GFRA1: variants seen among roughly 807,000 people sequenced by gnomAD.
The protein encoded by GFRA1 is GDNF family receptor alpha 1.
A neutral mutation model predicts 51.6 loss-of-function variants in GFRA1; 16 were observed. The observed-to-expected ratio is 0.31, with a 90% CI of 0.21 to 0.47. The LOEUF is 0.47. Ranked by LOEUF, GFRA1 falls within the 20% of genes least tolerant of loss-of-function variation. GFRA1 has a pLI of 1.00. For missense variants in GFRA1, 530 were observed against 594.3 expected (o/e 0.89, Z 1.13); for synonymous variants, 270 against 241.3 (o/e 1.12, Z -1.10).
At chr10:116,227,418 C>A in intron 4 of GFRA1, among the ~76,000 whole-genome samples, 1 of 152,188 alleles carries the variant, frequency 6.6e-6, no homozygotes, top group East Asian at 1.9e-4. Flanking sequence ...TGGCAAGTGG[C>A]ACAGCCATGA....
At chr10:116,274,603 C>A (rs1168197873), upstream of GFRA1, among the ~76,000 whole-genome samples, 1 of 152,116 alleles carries the variant, frequency 6.6e-6, no homozygotes, top group Non-Finnish European at 1.5e-5. Flanking sequence ...TGTGTGGAGT[C>A]GCCAAAGAGG....
chr10:116,102,358 G>A (rs185767592), intron 6 of GFRA1, among the ~76,000 whole-genome samples: 47 of 152,280 alleles, frequency 3.1e-4, no homozygotes, highest in African/African-American at 1.0e-3. Context: ...CACAGCAGGC[G>A]CCAGAGGATG....
chr10:116,090,067 T>TG lies in GFRA1; in HGVS notation c.1016-146_1016-145insC, dbSNP rs1372936420. Reference sequence around the variant, plus strand: ...AAAACGCATCCATCCATTTGCCCTATACATGCTGAGAGCCAGTCTTTGGGG... The same window carrying TG: ...AAAACGCATCCATCCATTTGCCCTATGACATGCTGAGAGCCAGTCTTTGGGG... On this transcript the variant is annotated intron_variant, in intron 8 of 10. Coordinates refer to ENST00000355422, the MANE Select transcript of GFRA1 (RefSeq NM_005264.8). The TG allele has an allele frequency of 3.5e-5, 27 of 780,580 alleles. No homozygotes were observed. The East Asian group carries it at 6.7e-4, about 19-fold the overall frequency. 48.4% of individuals were successfully genotyped at this position (780,580 alleles called of 1,614,324 possible). A position where few individuals can be genotyped will look rare whatever the true frequency, so the allele number is the denominator to read the frequency against.
At position 116,256,822 on chromosome 10, in the gene GFRA1, C is replaced by T. The variant is rs566279765; in HGVS notation, c.418+12681G>A. Among the ~76,000 whole-genome samples the T allele has an allele frequency of 1.8e-3, 276 of 152,258 alleles. 1 individual carries two copies. Among genetic ancestry groups the T allele is most frequent in the African/African-American group, 6.1e-3 (254 of 41,536 alleles). ...ATACAAAATAAACGAATAAATAAGC[C>T]CATACCTCAAGTCCTCCAAATGGGT... On this transcript the variant is annotated intron_variant, in intron 4 of 10. Transcript: ENST00000355422.
At position 116,064,336 on chromosome 10, in the gene GFRA1, C is replaced by G. The variant is rs1412343367; in HGVS notation, c.*62G>C. ...CTGGAATTTCAGCTATACAAGAGAA[C>G]AGGAAACAGATAACTTGGTTTTTGT... On this transcript the variant is annotated 3_prime_UTR_variant, in exon 11 of 11. Coordinates refer to ENST00000355422, the MANE Select transcript of GFRA1 (RefSeq NM_005264.8). 2 of 1,439,278 alleles carry G rather than the reference C, an allele frequency of 1.4e-6. No homozygotes were observed. The highest frequency in any genetic ancestry group is 1.4e-5 in the African/African-American group (1 of 71,098). The allele number at this position is 1,439,278 out of a possible 1,614,324, so 89.2% of individuals were successfully genotyped here.
At chr10:116,159,694 T>A (rs1959544829) in intron 5 of GFRA1, among the ~76,000 whole-genome samples, 1 of 152,110 alleles carries the variant, frequency 6.6e-6, no homozygotes. Flanking sequence ...CAGCCCACCA[T>A]GGACAAGTGA....
intron 6 of GFRA1, among the ~76,000 whole-genome samples, chr10:116,116,914 A>G (rs79483323): frequency 0.015 from 2,261 of 152,298 alleles, 62 homozygotes; most frequent in African/African-American, 0.052. Flanking sequence ...AGCCATAAAG[A>G]GTGTCTGGAT....
chr10:116,194,782 T>C (rs1187018459), intron 5 of GFRA1, among the ~76,000 whole-genome samples: 1 of 152,206 alleles, frequency 6.6e-6, no homozygotes, highest in Non-Finnish European at 1.5e-5. Context: ...GCTCATTTCA[T>C]CATCAATATC....
At chr10:116,190,306 A>C (rs912522647) in intron 5 of GFRA1, among the ~76,000 whole-genome samples, 1 of 152,204 alleles carries the variant, frequency 6.6e-6, no homozygotes, top group African/African-American at 2.4e-5. Context: ...CAACTTCTAG[A>C]GGTCAGTAGT....
At chr10:116,260,721 C>T (rs1204130560) in intron 4 of GFRA1, among the ~76,000 whole-genome samples, 1 of 152,068 alleles carries the variant, frequency 6.6e-6, no homozygotes, top group Non-Finnish European at 1.5e-5. Context: ...TCTGATATGG[C>T]GATAGACCCT....
intron 4 of GFRA1, among the ~76,000 whole-genome samples, chr10:116,249,894 G>T (rs780566268): frequency 2.1e-4 from 32 of 152,206 alleles, no homozygotes; most frequent in Non-Finnish European, 4.0e-4. Flanking sequence ...TAGTGGTAGG[G>T]TCTGTGCAGA....
intron 9 of GFRA1, among the ~76,000 whole-genome samples, chr10:116,072,135 T>C (rs901318538): frequency 1.1e-4 from 16 of 152,190 alleles, no homozygotes; most frequent in African/African-American, 3.1e-4. Flanking sequence ...TTGAAGCAAT[T>C]GTCCTTTTTT....
chr10:116,136,499 T>C (rs1423478250), intron 5 of GFRA1, among the ~76,000 whole-genome samples: 1 of 152,172 alleles, frequency 6.6e-6, no homozygotes, highest in Non-Finnish European at 1.5e-5. Flanking sequence ...CCCCCTCCAC[T>C]TTGCACCAGT....
At chr10:116,105,682 T>C (rs1956979697) in intron 6 of GFRA1, among the ~76,000 whole-genome samples, 1 of 152,194 alleles carries the variant, frequency 6.6e-6, no homozygotes, top group Non-Finnish European at 1.5e-5. Context: ...AATGTACACA[T>C]GCCCCTGGCT....
At chr10:116,256,162 A>G (rs1255744578) in intron 4 of GFRA1, among the ~76,000 whole-genome samples, 1 of 152,140 alleles carries the variant, frequency 6.6e-6, no homozygotes, top group Non-Finnish European at 1.5e-5. Flanking sequence ...CACATACAGG[A>G]CCTAGAACGT....
chr10:116,149,549 A>C lies in GFRA1; in HGVS notation c.434-23992T>G, dbSNP rs1958977110. Among the ~76,000 whole-genome samples, 4 of 152,190 alleles carry C rather than the reference A, an allele frequency of 2.6e-5. No homozygotes were observed. The South Asian group carries it at 8.3e-4, about 32-fold the overall frequency. On this transcript the variant is annotated intron_variant, in intron 5 of 10. Transcript: ENST00000355422. ...GTAGGAAGACACCTATAATTTTAGA[A>C]ATATAAAACGTATTCTCTCGTTGAT...
intron 5 of GFRA1, among the ~76,000 whole-genome samples, chr10:116,172,761 C>G (rs915885346): frequency 6.6e-5 from 10 of 152,160 alleles, no homozygotes; most frequent in African/African-American, 2.4e-4. Context: ...GTGTGGGGGC[C>G]TTATCCTCAC....
rs186307553 is a variant in GFRA1, at chr10:116,058,846, G to A, written c.*5552C>T. On this transcript the variant is annotated 3_prime_UTR_variant, in exon 11 of 11. Transcript: ENST00000355422. ...ACCCCTGGGGTTTGTCTGGGATCGG[G>A]GGAGTGGTCTACCTTTCTTGTCAGC... The A allele has an allele frequency of 5.3e-4, 81 of 152,302 alleles. 1 individual carries two copies. The highest frequency in any genetic ancestry group is 1.7e-3 in the African/African-American group (72 of 41,544). The allele number at this position is 152,302 out of a possible 1,614,324, so 9.4% of individuals were successfully genotyped here.
In GFRA1 at chr10:116,093,738, T is replaced by C. The variant is rs1383372021; in HGVS notation, c.979A>G (p.Lys327Glu). ...NSGNDLEECL[K>E]FLNFFKDNTC... is the part of the protein sequence containing the mutation. ...TTGTCCTTGAAGAAATTCAAAAATTTCAAGCACTCTTCTAGGTCGTTCCCA... is the reference window on the plus strand; with the variant it reads ...TTGTCCTTGAAGAAATTCAAAAATTCCAAGCACTCTTCTAGGTCGTTCCCA... Residue 327 changes from lysine (K) to glutamate (E), a missense_variant, in exon 8 of 11, where the codon AAA becomes GAA. By Grantham distance (56) the Lys-to-Glu change is moderately conservative (BLOSUM62 1). Coordinates refer to ENST00000355422, the MANE Select transcript of GFRA1 (RefSeq NM_005264.8). 1 of 1,613,986 alleles carries C rather than the reference T, an allele frequency of 6.2e-7. No individual in the cohort carries two copies. Among genetic ancestry groups the C allele is most frequent in the South Asian group, 1.1e-5 (1 of 91,066 alleles).
Sources: allele counts gnomAD v4.1 joint callset (sites outside exome capture counted in the v4.1 genomes callset), GRCh38; gene constraint gnomAD v4.1.1; transcripts MANE v1.5; gene names NCBI Gene and HGNC (gene_info 2026-07-23, HGNC 2026-07-21).